Variants in NRXN1 observed in about 807,000 individuals in gnomAD.
NRXN1 encodes the protein neurexin-1.
NRXN1 carries 39 observed loss-of-function variants against 150.9 expected under a neutral mutation model. That is an observed-to-expected ratio of 0.26 (90% confidence interval 0.20 to 0.34). NRXN1 has a LOEUF of 0.34. Ranked by LOEUF, NRXN1 falls within the 10% of genes least tolerant of loss-of-function variation. The probability of loss-of-function intolerance (pLI) is 1.00; values close to 1 mark genes in which losing one functional copy is unlikely to be tolerated. For synonymous variants in NRXN1, 924 were observed against 757.0 expected, an observed-to-expected ratio of 1.22 and a Z score of -3.62; for missense variants, 1,815 against 1,949.9, an observed-to-expected ratio of 0.93 and a Z score of 1.30.
intron 18 of NRXN1, among the ~76,000 whole-genome samples, chr2:50,209,860 CAAT>C (rs2062883465): frequency 2.0e-5 from 2 of 100,036 alleles, no homozygotes; most frequent in Admixed American, 1.2e-4. Flanking sequence ...AAAGCCTCTG[CAAT>C]AATTCACTTT....
chr2:51,011,971 G>A (rs1253164300), intron 2 of NRXN1, among the ~76,000 whole-genome samples: 1 of 151,966 alleles, frequency 6.6e-6, no homozygotes, highest in Non-Finnish European at 1.5e-5. Flanking sequence ...CAGAAAGCAT[G>A]TGATTAATCC....
chr2:50,596,063 G>T (rs1480265552), intron 8 of NRXN1, among the ~76,000 whole-genome samples: 1 of 151,994 alleles, frequency 6.6e-6, no homozygotes, highest in Non-Finnish European at 1.5e-5. Context: ...TGTTTTGATG[G>T]CACTGTTATG....
rs190941345 is a variant in NRXN1 at position 50,770,328 on chromosome 2, T to A, written c.833-146713A>T. Among the ~76,000 whole-genome samples the A allele has an allele frequency of 6.8e-3, 1,029 of 150,396 alleles. 6 individuals are homozygous for A. The highest frequency in any genetic ancestry group is 0.023 in the African/African-American group (966 of 41,130). ...TTGTACACGTACATAATTTTATATT[T>A]TATATATATATATATGATAGATGAT... On this transcript the variant is annotated intron_variant, in intron 5 of 22. Coordinates refer to ENST00000401669, the MANE Select transcript of NRXN1 (RefSeq NM_001330078.2).
intron 21 of NRXN1, among the ~76,000 whole-genome samples, chr2:50,005,756 C>A (rs9941548): frequency 2.6e-5 from 4 of 151,952 alleles, no homozygotes; most frequent in Admixed American, 6.6e-5. Context: ...TAATTACCTT[C>A]TGCACCAAAT....
intron 17 of NRXN1, among the ~76,000 whole-genome samples, chr2:50,273,741 T>G (rs1388202804): frequency 6.6e-6 from 1 of 152,020 alleles, no homozygotes; most frequent in African/African-American, 2.4e-5. Context: ...ATAAAAGAGA[T>G]TATTATTTAT....
chr2:50,749,842 C>T (rs551127675), intron 5 of NRXN1, among the ~76,000 whole-genome samples: 5 of 151,986 alleles, frequency 3.3e-5, no homozygotes, highest in South Asian at 4.1e-4. Flanking sequence ...GTCCCAAGTA[C>T]ATTGATGGCT....
intron 17 of NRXN1, among the ~76,000 whole-genome samples, chr2:50,391,654 T>C (rs1520452): frequency 0.57 from 86,502 of 151,910 alleles, 26,902 homozygotes; most frequent in East Asian, 0.92. Context: ...TAAGTTCCAA[T>C]GTACTAATAA....
chr2:50,820,722 A>G (rs1366621094), intron 5 of NRXN1, among the ~76,000 whole-genome samples: 1 of 152,110 alleles, frequency 6.6e-6, no homozygotes, highest in Non-Finnish European at 1.5e-5. Context: ...TTTCAGTTGT[A>G]AACAAGGAGG....
chr2:50,506,486 G>C lies in NRXN1; in HGVS notation c.2497+9C>G, dbSNP rs1243683821. 6.8e-6 allele frequency: 11 copies of C among 1,611,182 alleles called. No individual in the cohort carries two copies. In the African/African-American group the frequency reaches 9.4e-5, roughly 14 times the overall value. The stretch of plus-strand genomic sequence containing the variant: ...GCATAGGAAAAGACAATGGGACAGA[G>C]GTGTTTACCTGTCATGGCCTGTTGG... On this transcript the variant is annotated intron_variant, in intron 13 of 22. Transcript: ENST00000401669.
chr2:50,323,561 G>A (rs192510907), intron 17 of NRXN1, among the ~76,000 whole-genome samples: 1 of 145,112 alleles, frequency 6.9e-6, no homozygotes, highest in Non-Finnish European at 1.5e-5. Context: ...CGCAAGTTTC[G>A]GGAAATAAAC....
chr2:50,411,638 C>T (rs138557498), intron 17 of NRXN1, among the ~76,000 whole-genome samples: 8,669 of 151,898 alleles, frequency 0.057, 332 homozygotes, highest in Non-Finnish European at 0.081. Context: ...TCTGACCGGC[C>T]GCCCCGTCTG....
intron 16 of NRXN1, among the ~76,000 whole-genome samples, chr2:50,468,859 G>C (rs2089188228): frequency 6.6e-6 from 1 of 151,540 alleles, no homozygotes; most frequent in Non-Finnish European, 1.5e-5. Flanking sequence ...ATTCCCACCA[G>C]TGTTTAATCA....
At chr2:50,976,040 C>G (rs1172050005) in intron 2 of NRXN1, among the ~76,000 whole-genome samples, 2 of 152,012 alleles carry the variant, frequency 1.3e-5, no homozygotes, top group African/African-American at 4.8e-5. Flanking sequence ...TAGACATCTG[C>G]ATATGTCTGT....
intron 8 of NRXN1, among the ~76,000 whole-genome samples, chr2:50,571,483 T>C (rs981690919): frequency 6.6e-6 from 1 of 152,158 alleles, no homozygotes; most frequent in African/African-American, 2.4e-5. Flanking sequence ...TCTAGTGTAC[T>C]ATCTCTGTCC....
chr2:50,280,316 A>C (rs757566492), intron 17 of NRXN1, among the ~76,000 whole-genome samples: 2 of 151,708 alleles, frequency 1.3e-5, no homozygotes, highest in Non-Finnish European at 2.9e-5. Flanking sequence ...GAAGTCAACT[A>C]TTCACTTTAA....
chr2:50,523,437 C>A (rs746216136), intron 12 of NRXN1, among the ~76,000 whole-genome samples: 3 of 152,100 alleles, frequency 2.0e-5, no homozygotes, highest in Non-Finnish European at 4.4e-5. Flanking sequence ...CATCAAGCAG[C>A]GACTCTAAAC....
chr2:50,150,868 T>C (rs1304351032), intron 18 of NRXN1, among the ~76,000 whole-genome samples: 1 of 151,668 alleles, frequency 6.6e-6, no homozygotes, highest in African/African-American at 2.4e-5. Context: ...CACAGTACCT[T>C]ACCTCCCTGA....
intron 2 of NRXN1, among the ~76,000 whole-genome samples, chr2:50,951,963 A>ATATATATT (rs1387961788): frequency 9.4e-5 from 7 of 74,814 alleles, no homozygotes; most frequent in East Asian, 5.0e-4. Flanking sequence ...ATATATATAT[A>ATATATATT]TTTTTTTTTT....
At chr2:50,354,586 T>TATAC (rs1273118975) in intron 17 of NRXN1, among the ~76,000 whole-genome samples, 70 of 124,692 alleles carry the variant, frequency 5.6e-4, no homozygotes, top group Non-Finnish European at 6.5e-4. Context: ...TATATATATA[T>TATAC]ACACACACAC....
Sources: gnomAD v4.1 joint callset for allele counts (sites outside exome capture counted in the v4.1 genomes callset) on GRCh38, gnomAD v4.1.1 for gene constraint, MANE v1.5 for transcripts, NCBI Gene and HGNC (gene_info 2026-07-23, HGNC 2026-07-21) for gene names.